GRID1: variants seen among roughly 807,000 people sequenced by gnomAD.
GRID1 encodes glutamate receptor ionotropic, delta-1.
A neutral mutation model predicts 98.0 loss-of-function variants in GRID1; 28 were observed. The ratio of observed to expected loss-of-function variants is 0.29; its 90% confidence interval spans 0.21 to 0.39. The LOEUF (loss-of-function observed/expected upper bound fraction) is 0.39. GRID1 is among the 10% of genes least tolerant of loss of function. GRID1 has a pLI of 1.00. For missense variants in GRID1, 1,111 were observed against 1,340.5 expected, an observed-to-expected ratio of 0.83 and a Z score of 2.67; for synonymous variants, 553 against 538.5, an observed-to-expected ratio of 1.03 and a Z score of -0.37.
At chr10:85,685,898 A>C (rs1841263434) in intron 12 of GRID1, among the ~76,000 whole-genome samples, 1 of 152,156 alleles carries the variant, frequency 6.6e-6, no homozygotes, top group Non-Finnish European at 1.5e-5. Context: ...ATTTAATAAA[A>C]ATGTGCAAGA....
At chr10:86,344,155 G>T (rs1419511188) in intron 2 of GRID1, among the ~76,000 whole-genome samples, 1 of 152,248 alleles carries the variant, frequency 6.6e-6, no homozygotes, top group African/African-American at 2.4e-5. Flanking sequence ...TGGGGCCTGG[G>T]TCTGCTGTGC....
intron 8 of GRID1, among the ~76,000 whole-genome samples, chr10:85,804,935 G>A (rs1371648640): frequency 6.6e-6 from 1 of 150,532 alleles, no homozygotes. Context: ...TTATAGTAAA[G>A]GTACAAAAGA....
chr10:86,264,700 T>TGCCCAGGCAGCTGCAG (rs951070201), intron 2 of GRID1: 3 of 478,272 alleles, frequency 6.3e-6, no homozygotes, highest in African/African-American at 5.9e-5. Context: ...GGAGCCGCTC[T>TGCCCAGGCAGCTGCAG]GCCCAGGCAG....
intron 13 of GRID1, among the ~76,000 whole-genome samples, chr10:85,634,544 G>A (rs183344044): frequency 6.6e-6 from 1 of 152,112 alleles, no homozygotes; most frequent in East Asian, 1.9e-4. Context: ...CTAATTTTCA[G>A]GAAAATAATT....
intron 2 of GRID1, among the ~76,000 whole-genome samples, chr10:86,338,918 G>A (rs1848269872): frequency 6.6e-6 from 1 of 152,112 alleles, no homozygotes; most frequent in Non-Finnish European, 1.5e-5. Flanking sequence ...CTGGGTGGCA[G>A]GGCCTATGTT....
intron 4 of GRID1, among the ~76,000 whole-genome samples, chr10:86,114,821 C>A (rs1478071517): frequency 6.6e-6 from 1 of 152,204 alleles, no homozygotes; most frequent in Non-Finnish European, 1.5e-5. Flanking sequence ...TTAGCAGGCA[C>A]AGAGCTGTGA....
chr10:85,734,989 G>A lies in GRID1; in HGVS notation c.1234-5375C>T, dbSNP rs969589606. ...GGCGCTCGCCACTCTGAATGCTCAG[G>A]AAAATGTTTCAGTCAATAAAAGCCA... On this transcript the variant is annotated intron_variant, in intron 8 of 15. Transcript: ENST00000327946. 1.6e-4 allele frequency among the ~76,000 whole-genome samples: 25 copies of A among 152,172 alleles called. 1 individual carries two copies. The highest frequency in any genetic ancestry group is 5.3e-4 in the African/African-American group (22 of 41,452).
intron 4 of GRID1, among the ~76,000 whole-genome samples, chr10:86,026,097 G>C (rs1012203545): frequency 1.2e-4 from 19 of 152,164 alleles, no homozygotes; most frequent in Non-Finnish European, 2.5e-4. Context: ...TCCAATCCCA[G>C]AGTTTTGATG....
At chr10:85,629,773 G>T (rs558910382) in intron 13 of GRID1, among the ~76,000 whole-genome samples, 2 of 152,114 alleles carry the variant, frequency 1.3e-5, no homozygotes, top group South Asian at 4.1e-4. Context: ...TTAGTTTTTT[G>T]GGAAATCTAC....
chr10:85,950,792 G>A (rs1416989232), intron 4 of GRID1, among the ~76,000 whole-genome samples: 2 of 152,126 alleles, frequency 1.3e-5, no homozygotes, highest in African/African-American at 4.8e-5. Context: ...TACAGTCCTG[G>A]TACAGCTTCA....
At chr10:85,724,735 C>T in intron 10 of GRID1, 59 bp from the exon 11 acceptor site, 15 of 1,456,630 alleles carry the variant, frequency 1.0e-5, no homozygotes, top group Non-Finnish European at 1.4e-5. Context: ...TGGGTTCTGC[C>T]CTGGGTCAAG....
intron 8 of GRID1, among the ~76,000 whole-genome samples, chr10:85,843,927 A>G (rs2131773391): frequency 6.6e-6 from 1 of 152,108 alleles, no homozygotes; most frequent in East Asian, 1.9e-4. Context: ...CAGCAATTGC[A>G]CTCTTGGGCA....
chr10:85,762,738 CCT>C (rs1274498367), intron 8 of GRID1, among the ~76,000 whole-genome samples: 3 of 152,168 alleles, frequency 2.0e-5, no homozygotes, highest in African/African-American at 7.2e-5. Context: ...AGAAAGTCCC[CCT>C]GTCTTGAAGT....
chr10:85,732,527 AG>A (rs1453735159), intron 8 of GRID1, among the ~76,000 whole-genome samples: 5 of 152,132 alleles, frequency 3.3e-5, no homozygotes, highest in Non-Finnish European at 5.9e-5. Flanking sequence ...TGGAGGATGG[AG>A]GCAGGAAGAA....
intron 4 of GRID1, among the ~76,000 whole-genome samples, chr10:86,055,906 A>T (rs1843566224): frequency 6.6e-6 from 1 of 152,206 alleles, no homozygotes; most frequent in Non-Finnish European, 1.5e-5. Context: ...AGAAACCAAC[A>T]GTGCTAGTAC....
At chr10:85,938,316 T>A (rs184713361) in intron 4 of GRID1, among the ~76,000 whole-genome samples, 62 of 152,340 alleles carry the variant, frequency 4.1e-4, no homozygotes, top group Non-Finnish European at 7.3e-4. Context: ...ATTACCAGCA[T>A]CTAAGTGCTC....
At chr10:85,743,008 G>A (rs921167478) in intron 8 of GRID1, among the ~76,000 whole-genome samples, 2 of 151,684 alleles carry the variant, frequency 1.3e-5, no homozygotes, top group Admixed American at 1.3e-4. Context: ...CTAGATGCCA[G>A]TAGTGCCTCT....
At chr10:85,944,599 G>C (rs1001727060) in intron 4 of GRID1, among the ~76,000 whole-genome samples, 6 of 152,146 alleles carry the variant, frequency 3.9e-5, no homozygotes, top group African/African-American at 1.4e-4. Flanking sequence ...TGGCATATTG[G>C]CTGTATTGGG....
At chr10:85,799,522 CATA>C (rs1171193468) in intron 8 of GRID1, among the ~76,000 whole-genome samples, 1 of 152,008 alleles carries the variant, frequency 6.6e-6, no homozygotes, top group Non-Finnish European at 1.5e-5. Context: ...TACAACACAA[CATA>C]ATATTACTTA....
Sources: allele counts gnomAD v4.1 joint callset (sites outside exome capture counted in the v4.1 genomes callset), GRCh38; gene constraint gnomAD v4.1.1; transcripts MANE v1.5; gene names NCBI Gene and HGNC (gene_info 2026-07-23, HGNC 2026-07-21).